The following ATF7IP variants were observed in gnomAD, a reference collection of about 807,000 sequenced individuals.
ATF7IP encodes activating transcription factor 7 interacting protein.
Under a neutral mutation model 106.4 loss-of-function variants are expected in ATF7IP, and 23 were observed. The observed-to-expected ratio is 0.22, with a 90% CI of 0.16 to 0.31. The LOEUF is 0.31. Ranked by LOEUF, ATF7IP falls within the 10% of genes least tolerant of loss-of-function variation. ATF7IP has a pLI of 1.00. For missense variants in ATF7IP, 1,334 were observed against 1,524.3 expected (o/e 0.88, Z 2.08); for synonymous variants, 542 against 539.0 (o/e 1.01, Z -0.08).
At chr12:14,392,740 G>C (rs1479828160) in intron 1 of ATF7IP, among the ~76,000 whole-genome samples, 1 of 152,190 alleles carries the variant, frequency 6.6e-6, no homozygotes, top group Non-Finnish European at 1.5e-5. Context: ...CCTGTGATCA[G>C]TCTGAGAACT....
intron 4 of ATF7IP, 31 bp downstream of exon 4, chr12:14,436,282 A>G (rs1171776338): frequency 1.3e-5 from 20 of 1,568,570 alleles, no homozygotes; most frequent in Non-Finnish European, 1.6e-5. Flanking sequence ...TATAAACCAT[A>G]TTGAATAAAT....
chr12:14,411,591 C>T (rs1466935691), intron 1 of ATF7IP, among the ~76,000 whole-genome samples: 1 of 150,976 alleles, frequency 6.6e-6, no homozygotes, highest in Non-Finnish European at 1.5e-5. Context: ...GTGGAAATGC[C>T]TGTTAAGTCC....
At position 14,481,435 on chromosome 12, in the gene ATF7IP, AGTATGT is replaced by A. The variant is rs1944424526; in HGVS notation, c.3280+252_3280+257del. The A allele has an allele frequency of 1.8e-5, 9 of 496,734 alleles. No individual in the cohort carries two copies. In the South Asian group the frequency reaches 2.0e-4, roughly 11 times the overall value. 30.8% of individuals were successfully genotyped at this position (496,734 alleles called of 1,614,324 possible). On this transcript the variant is annotated intron_variant, in intron 13 of 14. Transcript: ENST00000261168. The stretch of plus-strand genomic sequence containing the variant: ...ATTGTCACCACACACAAAAAAGGTA[AGTATGT>A]GAGATCATGCATATGTCAGCTAGAT...
intron 6 of ATF7IP, among the ~76,000 whole-genome samples, chr12:14,454,184 A>G (rs1196301024): frequency 6.6e-6 from 1 of 151,918 alleles, no homozygotes; most frequent in Non-Finnish European, 1.5e-5. Flanking sequence ...TTTTTTGGCT[A>G]TGTGTCTTCT....
intron 1 of ATF7IP, among the ~76,000 whole-genome samples, chr12:14,394,375 A>C (rs1160101379): frequency 6.6e-6 from 1 of 152,128 alleles, no homozygotes; most frequent in Non-Finnish European, 1.5e-5. Flanking sequence ...GGGGGGTGGA[A>C]TTTCAGTTAT....
intron 1 of ATF7IP, among the ~76,000 whole-genome samples, chr12:14,371,565 A>C (rs11055954): frequency 0.56 from 85,179 of 151,242 alleles, 24,352 homozygotes; most frequent in African/African-American, 0.66. Flanking sequence ...TTGGTAGGGA[A>C]AAGAAATGAT....
intron 2 of ATF7IP, among the ~76,000 whole-genome samples, chr12:14,431,354 CAG>C (rs1942116693): frequency 6.6e-6 from 1 of 150,814 alleles, no homozygotes; most frequent in African/African-American, 2.4e-5. Context: ...GGAATTATAA[CAG>C]AAACTTATCT....
intron 13 of ATF7IP, among the ~76,000 whole-genome samples, chr12:14,490,199 T>C (rs977272631): frequency 6.6e-6 from 1 of 152,234 alleles, no homozygotes; most frequent in Non-Finnish European, 1.5e-5. Flanking sequence ...CACGGGTGGC[T>C]GCGGATAGAG....
At chr12:14,439,839 A>T (rs1942607353) in intron 5 of ATF7IP, among the ~76,000 whole-genome samples, 1 of 127,202 alleles carries the variant, frequency 7.9e-6, no homozygotes, top group South Asian at 2.9e-4. Context: ...TCTCCAAAAT[A>T]AATCCATCCA....
chr12:14,493,816 A>T (rs1944908190), intron 13 of ATF7IP, among the ~76,000 whole-genome samples: 1 of 152,096 alleles, frequency 6.6e-6, no homozygotes, highest in Admixed American at 6.5e-5. Flanking sequence ...CTCTCTCTAC[A>T]GGAGATAAGA....
intron 13 of ATF7IP, among the ~76,000 whole-genome samples, chr12:14,485,299 C>T (rs867761251): frequency 1.3e-5 from 2 of 151,756 alleles, no homozygotes; most frequent in African/African-American, 4.8e-5. Context: ...AAATCTAAAT[C>T]GGCCCACTAG....
rs1943812271 is a variant in ATF7IP, at chr12:14,465,869, T to TC, written c.2798-655dup. Among the ~76,000 whole-genome samples the TC allele has an allele frequency of 2.6e-5, 4 of 152,258 alleles. No homozygotes were observed. In the South Asian group the frequency reaches 6.2e-4, roughly 24 times the overall value. On this transcript the variant is annotated intron_variant, in intron 9 of 14. Coordinates refer to ENST00000261168, the MANE Select transcript of ATF7IP (RefSeq NM_018179.5). ...ATGGGCTGTTTCAACATTTAAAAAC[T>TC]CCATGTTACCAAACAGGAAACCCTA...
intron 10 of ATF7IP, among the ~76,000 whole-genome samples, chr12:14,469,894 A>G (rs1943976158): frequency 6.6e-6 from 1 of 152,208 alleles, no homozygotes; most frequent in Non-Finnish European, 1.5e-5. Context: ...GACATGTGCC[A>G]AGAGTCTTCC....
Position 14,478,351 on chromosome 12 carries a change from C to T in ATF7IP, c.2976C>T (p.Thr992=). 1 of 1,613,978 alleles carries T rather than the reference C, an allele frequency of 6.2e-7. No homozygotes were observed. The highest frequency in any genetic ancestry group is 1.3e-5 in the African/African-American group (1 of 75,022). ...AACTAAATCACACTCCTGTATCAAC[C>T]ATGAGTTCTTCTCAGCCTGTGTCAC... ...PKKLNHTPVS[T]MSSSQPVSRP... is the part of the protein sequence containing the mutation. The change falls in exon 12 of 15, where the codon ACC becomes ACT. Residue 992 remains threonine, a synonymous_variant. Transcript: ENST00000261168.
At chr12:14,404,753 T>TA (rs1393693263) in intron 1 of ATF7IP, among the ~76,000 whole-genome samples, 1 of 152,184 alleles carries the variant, frequency 6.6e-6, no homozygotes, top group African/African-American at 2.4e-5. Context: ...AAACACAACT[T>TA]ACATGAACAG....
chr12:14,489,219 G>A (rs1944727790), intron 13 of ATF7IP, among the ~76,000 whole-genome samples: 1 of 152,140 alleles, frequency 6.6e-6, no homozygotes, highest in Non-Finnish European at 1.5e-5. Context: ...TGGATCTCCT[G>A]TATTCCATGT....
intron 10 of ATF7IP, among the ~76,000 whole-genome samples, chr12:14,471,102 T>G (rs1944025217): frequency 6.6e-6 from 1 of 152,198 alleles, no homozygotes; most frequent in African/African-American, 2.4e-5. Flanking sequence ...AAATTTTTTA[T>G]TATTGATTTT....
intron 10 of ATF7IP, 109 bp from the exon 11 acceptor site, chr12:14,475,781 T>TGTTTAACACA: frequency 1.3e-6 from 1 of 754,160 alleles, no homozygotes; most frequent in East Asian, 2.8e-5. Context: ...AGGGTCCAGA[T>TGTTTAACACA]TGAACCAGGT....
At chr12:14,456,207 T>G (rs570418225) in intron 6 of ATF7IP, among the ~76,000 whole-genome samples, 81 of 152,278 alleles carry the variant, frequency 5.3e-4, no homozygotes, top group African/African-American at 1.7e-3. Context: ...GTTAAATGAG[T>G]GAGTCTGGTT....
Sources: gnomAD v4.1 joint callset for allele counts (sites outside exome capture counted in the v4.1 genomes callset) on GRCh38, gnomAD v4.1.1 for gene constraint, MANE v1.5 for transcripts, NCBI Gene and HGNC (gene_info 2026-07-23, HGNC 2026-07-21) for gene names.